Variants in RAP1GAP2 observed in about 807,000 individuals in gnomAD.
RAP1GAP2 encodes the protein RAP1 GTPase activating protein 2.
RAP1GAP2 carries 27 observed loss-of-function variants against 95.0 expected under a neutral mutation model. The observed-to-expected ratio is 0.28, with a 90% CI of 0.21 to 0.39. The LOEUF is 0.39. Ranked by LOEUF, RAP1GAP2 falls within the 10% of genes least tolerant of loss-of-function variation. RAP1GAP2 has a pLI of 1.00. For synonymous variants in RAP1GAP2, 373 were observed against 380.9 expected (o/e 0.98, Z 0.24); for missense variants, 771 against 970.0 (o/e 0.79, Z 2.72).
intron 3 of RAP1GAP2, among the ~76,000 whole-genome samples, chr17:2,937,038 G>C (rs2043328440): frequency 6.6e-6 from 1 of 152,226 alleles, no homozygotes. Context: ...TTTTAAAGCT[G>C]AGAGTTAAAG....
chr17:2,846,348 G>A (rs745982842), intron 2 of RAP1GAP2, among the ~76,000 whole-genome samples: 8 of 152,010 alleles, frequency 5.3e-5, no homozygotes, highest in Non-Finnish European at 8.8e-5. Flanking sequence ...GTATTCCACC[G>A]CGGGGATGTA....
chr17:2,819,242 G>A (rs550702731), intron 2 of RAP1GAP2, among the ~76,000 whole-genome samples: 1 of 151,560 alleles, frequency 6.6e-6, no homozygotes, highest in African/African-American at 2.4e-5. Flanking sequence ...GGATGGTCTC[G>A]ATCTCCTGAC....
intron 2 of RAP1GAP2, among the ~76,000 whole-genome samples, chr17:2,844,467 G>T (rs2071499773): frequency 6.6e-6 from 1 of 152,174 alleles, no homozygotes; most frequent in Admixed American, 6.5e-5. Flanking sequence ...CAGCTGGAAG[G>T]ATTTTCCTTA....
At chr17:2,919,554 TG>T (rs2042681040) in intron 3 of RAP1GAP2, among the ~76,000 whole-genome samples, 1 of 139,016 alleles carries the variant, frequency 7.2e-6, no homozygotes, top group African/African-American at 2.7e-5. Flanking sequence ...ACACGGGAAG[TG>T]GGGGCAGGGC....
In RAP1GAP2 at chr17:2,797,790, C is replaced by A; in HGVS notation, c.44+1219C>A. Reference sequence around the variant, plus strand: ...GGAGCTGCCACCCCGAGGGTAGGTGCCAGTGTCCGGGAGGCAGCAGAGGAC... The same window carrying A: ...GGAGCTGCCACCCCGAGGGTAGGTGACAGTGTCCGGGAGGCAGCAGAGGAC... On this transcript the variant is annotated intron_variant, in intron 1 of 24. Transcript: ENST00000254695. This position sits in a 1 kb window ranked among gnomAD's most constrained non-coding sequence, Gnocchi z 5.6. 1 of 985,248 alleles carries A rather than the reference C, an allele frequency of 1.0e-6. No individual in the cohort carries two copies. The highest frequency in any genetic ancestry group is 1.2e-6 in the Non-Finnish European group (1 of 829,848). The allele number at this position is 985,248 out of a possible 1,614,324, so 61.0% of individuals were successfully genotyped here. A position where few individuals can be genotyped will look rare whatever the true frequency, so the allele number is the denominator to read the frequency against.
chr17:2,795,510 G>A (rs1004679090), upstream of RAP1GAP2, among the ~76,000 whole-genome samples: 5 of 152,264 alleles, frequency 3.3e-5, no homozygotes, highest in Admixed American at 2.6e-4. Flanking sequence ...AAATCCACCC[G>A]CACATGGGTA....
At chr17:2,861,770 C>G (rs913535493) in intron 2 of RAP1GAP2, among the ~76,000 whole-genome samples, 1 of 152,096 alleles carries the variant, frequency 6.6e-6, no homozygotes, top group Non-Finnish European at 1.5e-5. Context: ...CTGGGCCCTC[C>G]TCCCGTGCTG....
Position 3,004,055 on chromosome 17 carries a change from CT to C in RAP1GAP2, c.1201-1313del, listed in dbSNP as rs1452797119. Among the ~76,000 whole-genome samples the C allele has an allele frequency of 1.3e-5, 2 of 152,198 alleles. No homozygotes were observed. Among genetic ancestry groups the C allele is most frequent in the Non-Finnish European group, 2.9e-5 (2 of 68,042 alleles). On this transcript the variant is annotated intron_variant, in intron 14 of 24. Transcript: ENST00000254695. The surrounding 1 kb of genome is among the most constrained non-coding windows in gnomAD (Gnocchi z 4.1). The stretch of plus-strand genomic sequence containing the variant: ...CAGAGCTGGGGCTGCCCTCTGGCCT[CT>C]GTCCCAGGTGCCCACGGTCTGCAGT...
At chr17:2,933,188 G>A (rs1305707766) in intron 3 of RAP1GAP2, among the ~76,000 whole-genome samples, 1 of 152,248 alleles carries the variant, frequency 6.6e-6, no homozygotes, top group Non-Finnish European at 1.5e-5. Context: ...GTTGGAAAGC[G>A]CCTGGTGTAG....
chr17:3,011,588 C>G (rs370741336), intron 17 of RAP1GAP2, among the ~76,000 whole-genome samples: 2 of 151,434 alleles, frequency 1.3e-5, no homozygotes, highest in East Asian at 1.9e-4. Context: ...AAGTTACAGG[C>G]CTTTATCTCT....
intron 2 of RAP1GAP2, among the ~76,000 whole-genome samples, chr17:2,901,617 C>G (rs1156317919): frequency 1.3e-5 from 2 of 152,210 alleles, no homozygotes; most frequent in Non-Finnish European, 2.9e-5. Flanking sequence ...AATTAGAGCA[C>G]ATTCAAGGTT....
chr17:2,919,970 G>T (rs1206113876), intron 3 of RAP1GAP2, among the ~76,000 whole-genome samples: 10 of 151,804 alleles, frequency 6.6e-5, no homozygotes, highest in Admixed American at 1.3e-4. Context: ...CAAAGTGCTG[G>T]GATGACAGGC....
chr17:2,824,481 G>A (rs2070453649), intron 2 of RAP1GAP2, among the ~76,000 whole-genome samples: 2 of 147,502 alleles, frequency 1.4e-5, no homozygotes, highest in Admixed American at 6.8e-5. Context: ...GGTGGCTCAC[G>A]CCTGTAATCC....
intron 3 of RAP1GAP2, among the ~76,000 whole-genome samples, chr17:2,949,890 T>G (rs1245008543): frequency 6.6e-6 from 1 of 152,228 alleles, no homozygotes; most frequent in Non-Finnish European, 1.5e-5. Context: ...GCCAAGGCCA[T>G]GCTGCCACTG....
chr17:2,900,873 A>G (rs559855100), intron 2 of RAP1GAP2, among the ~76,000 whole-genome samples: 1 of 152,368 alleles, frequency 6.6e-6, no homozygotes, highest in Non-Finnish European at 1.5e-5. Flanking sequence ...TGAACCCAGG[A>G]ATCCCTTGAT....
chr17:2,789,781 GAA>G (rs35791780), intron 1 of RAP1GAP2, among the ~76,000 whole-genome samples: 80 of 71,980 alleles, frequency 1.1e-3, no homozygotes, highest in South Asian at 4.9e-3. Context: ...GACTCCATCT[GAA>G]AAAAAAAAAA....
chr17:2,924,753 C>T (rs1431954273), intron 3 of RAP1GAP2, among the ~76,000 whole-genome samples: 1 of 152,142 alleles, frequency 6.6e-6, no homozygotes, highest in East Asian at 1.9e-4. Flanking sequence ...TTTCAATACT[C>T]TTTAGGGGGA....
At chr17:2,966,564 T>C (rs538760996) in intron 8 of RAP1GAP2, among the ~76,000 whole-genome samples, 22 of 152,300 alleles carry the variant, frequency 1.4e-4, no homozygotes, top group African/African-American at 5.1e-4. Context: ...TAAGGACATA[T>C]AACCCCACTT....
At chr17:2,913,157 G>A (rs1354767485) in intron 3 of RAP1GAP2, among the ~76,000 whole-genome samples, 2 of 151,912 alleles carry the variant, frequency 1.3e-5, no homozygotes, top group Non-Finnish European at 2.9e-5. Context: ...TAGCCTGGGT[G>A]ACAGAGCAAA....
Sources: gnomAD v4.1 joint callset for allele counts (sites outside exome capture counted in the v4.1 genomes callset) on GRCh38, gnomAD v4.1.1 for gene constraint, Gnocchi (gnomAD v3.1) non-coding constraint, MANE v1.5 for transcripts, NCBI Gene and HGNC (gene_info 2026-07-23, HGNC 2026-07-21) for gene names.